ANXA4: variants seen among roughly 807,000 people sequenced by gnomAD.
ANXA4 encodes the protein annexin A4.
Under a neutral mutation model 49.8 loss-of-function variants are expected in ANXA4, and 39 were observed. The observed-to-expected ratio is 0.78, with a 90% CI of 0.61 to 1.02. ANXA4 has a LOEUF of 1.02. Among genes scored for constraint, ANXA4 ranks in the 50% least tolerant of loss-of-function variants. The probability of loss-of-function intolerance (pLI) is 0.00; values close to 1 mark genes in which losing one functional copy is unlikely to be tolerated. For synonymous variants in ANXA4, 134 were observed against 152.5 expected, an observed-to-expected ratio of 0.88 and a Z score of 0.89; for missense variants, 360 against 410.1, an observed-to-expected ratio of 0.88 and a Z score of 1.05.
chr2:69,723,022 A>AATAT (rs550066124), intron 3 of ANXA4, among the ~76,000 whole-genome samples: 181 of 145,480 alleles, frequency 1.2e-3, no homozygotes, highest in African/African-American at 4.1e-3. Context: ...AATACCAAAA[A>AATAT]ATATATATAT....
At chr2:69,759,359 G>C (rs1189293657) in intron 1 of ANXA4, among the ~76,000 whole-genome samples, 5 of 152,128 alleles carry the variant, frequency 3.3e-5, no homozygotes, top group African/African-American at 1.2e-4. Context: ...ACAGAAAGTA[G>C]ATGGTAAGTT....
At chr2:69,774,340 C>CCT (rs1244524532) in intron 1 of ANXA4, among the ~76,000 whole-genome samples, 20 of 50,808 alleles carry the variant, frequency 3.9e-4, no homozygotes, top group Non-Finnish European at 5.5e-4. Flanking sequence ...CCCCCCCCCC[C>CCT]TTTTTTTTTT....
chr2:69,781,672 T>A, intron 2 of ANXA4, 98 bp downstream of exon 2: 1 of 1,369,496 alleles, frequency 7.3e-7, no homozygotes, highest in Non-Finnish European at 1.0e-6. Context: ...CATTGTTTAC[T>A]CAACAGAGGG....
chr2:69,689,820 A>C (rs1016549385), intron 2 of ANXA4, among the ~76,000 whole-genome samples: 1 of 152,234 alleles, frequency 6.6e-6, no homozygotes, highest in African/African-American at 2.4e-5. Flanking sequence ...AATCTACAAC[A>C]GCAGGCATAT....
At chr2:69,749,855 G>A (rs774354856) in intron 1 of ANXA4, among the ~76,000 whole-genome samples, 4 of 151,630 alleles carry the variant, frequency 2.6e-5, no homozygotes, top group Admixed American at 6.6e-5. Context: ...AACACAGGAC[G>A]GAGGTTGCAG....
chr2:69,650,601 G>A (rs765759245), intron 1 of ANXA4, among the ~76,000 whole-genome samples: 3 of 152,076 alleles, frequency 2.0e-5, no homozygotes, highest in East Asian at 1.9e-4. Context: ...CTGGTGCACA[G>A]CACCACAGCC....
At chr2:69,825,375 G>T (rs888897042) in intron 12 of ANXA4, 81 bp from the exon 13 acceptor site, 2 of 1,187,970 alleles carry the variant, frequency 1.7e-6, no homozygotes, top group African/African-American at 1.6e-5. Flanking sequence ...AGCCAAGCTT[G>T]AAAAAGTTGG....
chr2:69,719,300 G>A lies in ANXA4; in HGVS notation n.767-1474G>A, dbSNP rs1297153429. Among the ~76,000 whole-genome samples, 11 of 112,178 alleles carry A rather than the reference G, an allele frequency of 9.8e-5. No homozygotes were observed. In the East Asian group the frequency reaches 2.4e-3, roughly 25 times the overall value. 73.6% of individuals were successfully genotyped at this position (112,178 alleles called of 152,430 possible). A position where few individuals can be genotyped will look rare whatever the true frequency, so the allele number is the denominator to read the frequency against. On this transcript the variant is annotated intron_variant and non_coding_transcript_variant, in intron 2 of 3. Transcript: ENST00000418066. Reference sequence around the variant, plus strand: ...TTTTTTTTTTTTGAGGCAGGGTCTCGCTCTGCACCCAGGCTGGAGTATGAT... The same window carrying A: ...TTTTTTTTTTTTGAGGCAGGGTCTCACTCTGCACCCAGGCTGGAGTATGAT...
intron 2 of ANXA4, among the ~76,000 whole-genome samples, chr2:69,708,220 A>G (rs746094248): frequency 6.6e-6 from 1 of 152,176 alleles, no homozygotes; most frequent in Non-Finnish European, 1.5e-5. Context: ...TTGGGCCCAC[A>G]ATGATATCAT....
At chr2:69,788,196 A>C (rs1427166168) in intron 3 of ANXA4, 55 bp downstream of exon 3, 1 of 1,510,264 alleles carries the variant, frequency 6.6e-7, no homozygotes, top group Non-Finnish European at 9.2e-7. Flanking sequence ...TCACAGGGTC[A>C]CACAGGAGGG....
At chr2:69,653,605 C>T (rs919398949) in intron 2 of ANXA4, among the ~76,000 whole-genome samples, 3 of 152,168 alleles carry the variant, frequency 2.0e-5, no homozygotes, top group African/African-American at 7.2e-5. Flanking sequence ...CCTTGTGACA[C>T]CATTTCCTAA....
chr2:69,757,958 CAAA>C (rs11296004), intron 1 of ANXA4, among the ~76,000 whole-genome samples: 91 of 95,118 alleles, frequency 9.6e-4, no homozygotes, highest in East Asian at 1.7e-3. Flanking sequence ...GACTTTGTCT[CAAA>C]AAAAAAAAAA....
chr2:69,757,979 A>G (rs1482124450), intron 1 of ANXA4, among the ~76,000 whole-genome samples: 1 of 139,698 alleles, frequency 7.2e-6, no homozygotes, highest in East Asian at 2.2e-4. Flanking sequence ...AAAAAAAAAA[A>G]GTACTGTCCA....
At chr2:69,723,105 C>T (rs956965391) in intron 3 of ANXA4, among the ~76,000 whole-genome samples, 56 of 149,608 alleles carry the variant, frequency 3.7e-4, no homozygotes, top group Admixed American at 2.5e-3. Flanking sequence ...GCAGGAGAAT[C>T]GCTTGAACCT....
intron 8 of ANXA4, 132 bp downstream of exon 8, chr2:69,812,841 C>T: frequency 1.3e-6 from 1 of 743,626 alleles, no homozygotes; most frequent in Non-Finnish European, 2.2e-6. Context: ...AAAAATATTC[C>T]CACAGATAGC....
intron 3 of ANXA4, among the ~76,000 whole-genome samples, chr2:69,724,044 C>T (rs1573149892): frequency 6.6e-6 from 1 of 152,212 alleles, no homozygotes; most frequent in African/African-American, 2.4e-5. Flanking sequence ...CACTTGAACC[C>T]GGGAGGCGGA....
chr2:69,692,696 G>C (rs745543462), intron 2 of ANXA4, among the ~76,000 whole-genome samples: 14 of 152,162 alleles, frequency 9.2e-5, no homozygotes, highest in Non-Finnish European at 1.3e-4. Flanking sequence ...ATGAAACTGA[G>C]GCCCAAAGGA....
At chr2:69,772,000 C>T (rs1446322900) in intron 1 of ANXA4, among the ~76,000 whole-genome samples, 3 of 152,144 alleles carry the variant, frequency 2.0e-5, no homozygotes, top group Admixed American at 6.5e-5. Flanking sequence ...AAGCCCTAGT[C>T]GTAGAGTTCA....
intron 3 of ANXA4, among the ~76,000 whole-genome samples, chr2:69,791,484 C>T (rs1672687936): frequency 6.6e-6 from 1 of 152,202 alleles, no homozygotes; most frequent in African/African-American, 2.4e-5. Flanking sequence ...GGCAGAGAGA[C>T]ATAAACATGC....
Sources: gnomAD v4.1 joint callset for allele counts (sites outside exome capture counted in the v4.1 genomes callset) on GRCh38, gnomAD v4.1.1 for gene constraint, MANE v1.5 for transcripts, NCBI Gene and HGNC (gene_info 2026-07-23, HGNC 2026-07-21) for gene names.